ABCC4: variants seen among roughly 807,000 people sequenced by gnomAD.
The protein encoded by ABCC4 is ATP-binding cassette sub-family C member 4.
A neutral mutation model predicts 168.5 loss-of-function variants in ABCC4; 102 were observed. The observed-to-expected ratio is 0.61, with a 90% CI of 0.52 to 0.71. ABCC4 has a LOEUF of 0.71. Ranked by LOEUF, ABCC4 falls within the 30% of genes least tolerant of loss-of-function variation. The pLI is 0.00. For missense variants in ABCC4, 1,402 were observed against 1,605.8 expected (o/e 0.87, Z 2.17); for synonymous variants, 617 against 590.7 (o/e 1.04, Z -0.65).
rs866020434 is a variant in ABCC4 at position 95,109,421 on chromosome 13, G to C, written c.2535+6501C>G. Among the ~76,000 whole-genome samples, 15 of 93,418 alleles carry C rather than the reference G, an allele frequency of 1.6e-4. No individual in the cohort carries two copies. The East Asian group carries it at 3.1e-3, about 19-fold the overall frequency. The allele number at this position is 93,418 out of a possible 152,430, so 61.3% of individuals were successfully genotyped here. ...ACACACACACACACACACACACACA[G>C]GTGCCAACAGTCTGGCATGCACATA... On this transcript the variant is annotated intron_variant, in intron 20 of 30. Coordinates refer to ENST00000645237, the MANE Select transcript of ABCC4 (RefSeq NM_005845.5).
intron 1 of ABCC4, among the ~76,000 whole-genome samples, chr13:95,249,170 G>T (rs2040192682): frequency 6.6e-6 from 1 of 151,560 alleles, no homozygotes; most frequent in East Asian, 1.9e-4. Flanking sequence ...GCAGTGAGCT[G>T]TGATCGCCAC....
At chr13:95,133,155 C>T (rs927392206) in intron 19 of ABCC4, among the ~76,000 whole-genome samples, 4 of 142,136 alleles carry the variant, frequency 2.8e-5, no homozygotes, top group African/African-American at 1.1e-4. Flanking sequence ...GCTCTGTCAC[C>T]CAGGCTGGAG....
chr13:95,190,267 A>G (rs1195475119), intron 9 of ABCC4, among the ~76,000 whole-genome samples: 1 of 152,166 alleles, frequency 6.6e-6, no homozygotes, highest in Non-Finnish European at 1.5e-5. Flanking sequence ...TGAGCACCGG[A>G]GGCTGAGGTT....
Position 95,071,771 on chromosome 13 carries a change from G to T in ABCC4, c.3101C>A (p.Ala1034Asp). The T allele has an allele frequency of 6.2e-7, 1 of 1,608,632 alleles. No homozygotes were observed. The highest frequency in any genetic ancestry group is 8.5e-7 in the Non-Finnish European group (1 of 1,177,454). The change falls in exon 25 of 31, where the codon GCC becomes GAC. Residue 1034 changes from alanine to aspartate, a missense_variant. Transcript: ENST00000645237. The stretch of plus-strand genomic sequence containing the variant: ...GATTATCACTCCTTCATGGGGCCAG[G>T]CTGGTGGTGGGCGTTTCTGATATTC... The part of the protein sequence containing the change: ...PWEYQKRPPP[A>D]WPHEGVIIFD...
At chr13:95,102,701 C>T (rs2139377397) in intron 20 of ABCC4, among the ~76,000 whole-genome samples, 1 of 151,242 alleles carries the variant, frequency 6.6e-6, no homozygotes, top group East Asian at 2.0e-4. Flanking sequence ...TTCACTGCAA[C>T]CACTGTCTCC....
intron 27 of ABCC4, among the ~76,000 whole-genome samples, chr13:95,049,389 CCCA>C (rs2032730721): frequency 6.6e-6 from 1 of 151,964 alleles, no homozygotes; most frequent in African/African-American, 2.4e-5. Flanking sequence ...CGCCTGTAAT[CCCA>C]GCACTTTGGG....
intron 19 of ABCC4, among the ~76,000 whole-genome samples, chr13:95,121,880 G>A (rs2035583059): frequency 6.6e-6 from 1 of 152,146 alleles, no homozygotes; most frequent in Non-Finnish European, 1.5e-5. Context: ...TTCACATAGA[G>A]ATTGCCTCTG....
rs374455200 is a variant in ABCC4, at chr13:95,287,920, T to A, written c.74+13321A>T. 3.3e-5 allele frequency among the ~76,000 whole-genome samples: 5 copies of A among 151,714 alleles called. No homozygotes were observed. The East Asian group carries it at 7.8e-4, about 24-fold the overall frequency. On this transcript the variant is annotated intron_variant, in intron 1 of 30. Coordinates refer to ENST00000645237, the MANE Select transcript of ABCC4 (RefSeq NM_005845.5). ...AGCCAGGCATGGTGGCATGCACCTA[T>A]AGTCCCAGCTACTCGGGAGGCTGAG...
At chr13:95,251,422 T>C (rs2040256911) in intron 1 of ABCC4, among the ~76,000 whole-genome samples, 1 of 152,194 alleles carries the variant, frequency 6.6e-6, no homozygotes, top group South Asian at 2.1e-4. Context: ...TGAATCAAGA[T>C]TGTTCTCTCT....
At chr13:95,062,898 G>GA (rs2033358071) in intron 25 of ABCC4, 39 bp from the exon 26 acceptor site, 2 of 244,312 alleles carry the variant, frequency 8.2e-6, no homozygotes, top group South Asian at 2.2e-4. Flanking sequence ...AAAAAAAAAA[G>GA]AAAAAAATCA....
chr13:95,223,032 A>G (rs1318132668), intron 4 of ABCC4, among the ~76,000 whole-genome samples: 1 of 152,216 alleles, frequency 6.6e-6, no homozygotes, highest in African/African-American at 2.4e-5. Flanking sequence ...AGAAAAAACA[A>G]GCACTACCTA....
chr13:95,116,703 C>T (rs1247619605), intron 19 of ABCC4, among the ~76,000 whole-genome samples: 1 of 152,132 alleles, frequency 6.6e-6, no homozygotes, highest in African/African-American at 2.4e-5. Context: ...CAAGTAGAAT[C>T]CAAGAAAACA....
intron 9 of ABCC4, among the ~76,000 whole-genome samples, chr13:95,190,059 T>C (rs982299041): frequency 5.3e-5 from 8 of 152,088 alleles, no homozygotes; most frequent in Non-Finnish European, 1.2e-4. Flanking sequence ...AAAGTTGTTT[T>C]AGGCAGGGTA....
chr13:95,073,226 T>G lies in ABCC4; in HGVS notation c.2996A>C (p.Gln999Pro). The change falls in exon 24 of 31, where the codon CAA (glutamine) becomes CCA (proline). Residue 999 changes from glutamine (Q) to proline (P), a missense_variant. By Grantham distance (76) the Gln-to-Pro change is moderately conservative (BLOSUM62 -1). Around this residue, in one of 3 missense-constraint regions of ABCC4, gnomAD observed 1,007 missense variants for 1,127.3 expected, o/e 0.89. Coordinates refer to ENST00000645237, the MANE Select transcript of ABCC4 (RefSeq NM_005845.5). ...LMGMFQWCVR[Q>P]SAEVENMMIS... The stretch of plus-strand genomic sequence containing the variant: ...TACCATATTCTCAACTTCAGCACTT[T>G]GTCGAACACACCACTGAAACATCCC... 1 of 1,613,856 alleles carries G rather than the reference T, an allele frequency of 6.2e-7. No individual in the cohort carries two copies. The highest frequency in any genetic ancestry group is 8.5e-7 in the Non-Finnish European group (1 of 1,179,858).
chr13:95,189,665 C>A (rs1426963266), intron 9 of ABCC4, among the ~76,000 whole-genome samples: 1 of 152,180 alleles, frequency 6.6e-6, no homozygotes, highest in African/African-American at 2.4e-5. Flanking sequence ...TAAAGTCACT[C>A]TTGGCAAATG....
At chr13:95,169,586 G>T (rs545575097) in intron 14 of ABCC4, among the ~76,000 whole-genome samples, 1 of 152,014 alleles carries the variant, frequency 6.6e-6, no homozygotes, top group African/African-American at 2.4e-5. Context: ...CCAGGTGACC[G>T]CATGGTCAGC....
At chr13:95,075,192 G>A (rs1178872399) in intron 22 of ABCC4, 2 of 507,220 alleles carry the variant, frequency 3.9e-6, no homozygotes, top group Admixed American at 7.0e-5. Flanking sequence ...GGCCATGCAT[G>A]GTGAGAGAAA....
Sources: allele counts gnomAD v4.1 joint callset (sites outside exome capture counted in the v4.1 genomes callset), GRCh38; gene constraint gnomAD v4.1.1; regional missense constraint gnomAD v4.1.1; transcripts MANE v1.5; gene names NCBI Gene and HGNC (gene_info 2026-07-23, HGNC 2026-07-21).